The following OSBPL9 variants were observed in gnomAD, a reference collection of about 807,000 sequenced individuals.
OSBPL9 encodes oxysterol binding protein like 9, also known as oxysterol-binding protein-related protein 9.
A neutral mutation model predicts 106.6 loss-of-function variants in OSBPL9; 40 were observed. The observed-to-expected ratio is 0.38, with a 90% CI of 0.29 to 0.49. OSBPL9 has a LOEUF of 0.49. Ranked by LOEUF, OSBPL9 falls within the 20% of genes least tolerant of loss-of-function variation. The pLI is 0.97. For missense variants in OSBPL9, 609 were observed against 887.2 expected (o/e 0.69, Z 3.98); for synonymous variants, 269 against 295.4 (o/e 0.91, Z 0.92).
the OSBPL9 span, among the ~76,000 whole-genome samples, chr1:51,571,220 T>C: frequency 6.6e-6 from 1 of 152,164 alleles, no homozygotes; most frequent in Non-Finnish European, 1.5e-5. Flanking sequence ...GAACAGGACC[T>C]GACATAGAAG....
chr1:51,695,016 T>C (rs759234664), intron 3 of OSBPL9, among the ~76,000 whole-genome samples: 2 of 152,220 alleles, frequency 1.3e-5, no homozygotes, highest in African/African-American at 4.8e-5. Context: ...GTTAACAAAG[T>C]GCCCATTAGT....
At chr1:51,697,161 CAAAAAAAGAAA>C (rs1020228244) in intron 3 of OSBPL9, among the ~76,000 whole-genome samples, 15 of 138,090 alleles carry the variant, frequency 1.1e-4, no homozygotes, top group Admixed American at 8.8e-4. Flanking sequence ...CCGTATTTCT[CAAAAAAAGAAA>C]AAAAAAAGAA....
the OSBPL9 span, among the ~76,000 whole-genome samples, chr1:51,521,956 C>G: frequency 6.6e-6 from 1 of 151,906 alleles, no homozygotes; most frequent in Non-Finnish European, 1.5e-5. Flanking sequence ...AGGGTTTCAC[C>G]GTGTTGGCCA....
intron 4 of OSBPL9, among the ~76,000 whole-genome samples, chr1:51,718,943 G>A (rs961294270): frequency 2.0e-5 from 3 of 152,184 alleles, no homozygotes; most frequent in Non-Finnish European, 4.4e-5. Flanking sequence ...TTTTCTTGCA[G>A]ATTGTGACCT....
the OSBPL9 span, among the ~76,000 whole-genome samples, chr1:51,556,641 C>T: frequency 1.3e-5 from 2 of 151,932 alleles, no homozygotes; most frequent in African/African-American, 4.8e-5. Flanking sequence ...AAAAAATTAG[C>T]TGGGCATGGT....
intron 4 of OSBPL9, chr1:51,730,162 T>A (rs1664060090): frequency 3.2e-6 from 4 of 1,239,964 alleles, no homozygotes; most frequent in South Asian, 4.2e-5. Flanking sequence ...CCCCTCTTCC[T>A]TGGGAGTTCT....
intron 1 of OSBPL9, among the ~76,000 whole-genome samples, chr1:51,581,756 A>G (rs2148599110): frequency 6.6e-6 from 1 of 152,294 alleles, no homozygotes; most frequent in African/African-American, 2.4e-5. Context: ...CCTAGGCTCA[A>G]GGGATCCTCC....
In OSBPL9 at chr1:51,772,162, C is replaced by T; in HGVS notation, c.1031C>T (p.Ser344Phe). 6.2e-7 allele frequency: 1 copy of T among 1,612,296 alleles called. No homozygotes were observed. Among genetic ancestry groups the T allele is most frequent in the Non-Finnish European group, 8.5e-7 (1 of 1,178,714 alleles). The change falls in exon 13 of 24, where the codon TCC becomes TTC. Residue 344 changes from serine to phenylalanine, a missense_variant. This residue lies in a region of OSBPL9 where 356 missense variants were observed against 505.8 expected (regional missense o/e 0.70). Coordinates refer to ENST00000428468, the MANE Select transcript of OSBPL9 (RefSeq NM_024586.6). ...ACAGAATCACTTAATTCTTCCTTGT[C>T]CAATGGAACAAGTGATGCTGGTAAG... Reference protein sequence around the residue: ...DTTESLNSSLSNGTSDADLFD... With the variant: ...DTTESLNSSLFNGTSDADLFD...
intron 3 of OSBPL9, among the ~76,000 whole-genome samples, chr1:51,676,608 G>A (rs1372517853): frequency 1.4e-5 from 2 of 147,224 alleles, no homozygotes; most frequent in Non-Finnish European, 3.0e-5. Flanking sequence ...TCAGTGAGCC[G>A]AGATCGCGCC....
intron 10 of OSBPL9, among the ~76,000 whole-genome samples, chr1:51,761,538 C>G (rs560845184): frequency 6.6e-6 from 1 of 152,244 alleles, no homozygotes; most frequent in Non-Finnish European, 1.5e-5. Context: ...AGGTACTGTA[C>G]TCCACTTCAG....
chr1:51,532,578 T>C, the OSBPL9 span, among the ~76,000 whole-genome samples: 1 of 152,240 alleles, frequency 6.6e-6, no homozygotes, highest in East Asian at 1.9e-4. Flanking sequence ...AAAAGCCCAC[T>C]TGAGGTCAGT....
At chr1:51,720,408 C>T (rs1661864841) in intron 4 of OSBPL9, among the ~76,000 whole-genome samples, 1 of 150,976 alleles carries the variant, frequency 6.6e-6, no homozygotes, top group African/African-American at 2.4e-5. Context: ...TTACTGCAAC[C>T]TCCGCCTCCC....
the OSBPL9 span, among the ~76,000 whole-genome samples, chr1:51,555,361 G>A: frequency 1.3e-5 from 2 of 151,664 alleles, no homozygotes; most frequent in South Asian, 2.1e-4. Context: ...ATGGTGGCAC[G>A]TGCCTGTAAT....
chr1:51,725,446 T>C (rs1662945837), intron 4 of OSBPL9, among the ~76,000 whole-genome samples: 1 of 152,258 alleles, frequency 6.6e-6, no homozygotes, highest in Non-Finnish European at 1.5e-5. Flanking sequence ...CGATGCTTAC[T>C]GTGTCTCTTC....
At position 51,723,093 on chromosome 1, in the gene OSBPL9, A is replaced by G. The variant is rs1349561558; in HGVS notation, c.318+9014A>G. On this transcript the variant is annotated intron_variant, in intron 4 of 23. Coordinates refer to ENST00000428468, the MANE Select transcript of OSBPL9 (RefSeq NM_024586.6). ...CCCCTACGCATGTGCGGCCTCCCCT[A>G]CTATCAACATCCCCCACCAGAGTGG... Among the ~76,000 whole-genome samples, 3 of 152,186 alleles carry G rather than the reference A, an allele frequency of 2.0e-5. No homozygotes were observed. The East Asian group carries it at 5.8e-4, about 29-fold the overall frequency.
chr1:51,787,656 A>G (rs1678026424), intron 23 of OSBPL9, 59 bp from the exon 24 acceptor site: 5 of 1,596,096 alleles, frequency 3.1e-6, no homozygotes, highest in Non-Finnish European at 4.3e-6. Context: ...TGAAATAGTA[A>G]GTATATTACA....
intron 2 of OSBPL9, among the ~76,000 whole-genome samples, chr1:51,602,015 G>GT (rs1266396456): frequency 6.1e-5 from 1 of 16,318 alleles, no homozygotes; most frequent in Non-Finnish European, 1.3e-4. Flanking sequence ...CATTCTTGGG[G>GT]TTCTTTTTTT....
intron 1 of OSBPL9, among the ~76,000 whole-genome samples, chr1:51,620,164 A>G (rs1202576135): frequency 6.6e-6 from 1 of 152,192 alleles, no homozygotes; most frequent in Admixed American, 6.5e-5. Flanking sequence ...AGGGAGAACT[A>G]AGGATATAAA....
the OSBPL9 span, among the ~76,000 whole-genome samples, chr1:51,549,705 G>A: frequency 1.3e-5 from 2 of 152,146 alleles, no homozygotes; most frequent in East Asian, 1.9e-4. Flanking sequence ...GGTGGCACAC[G>A]CCTGTACTCC....
Sources: allele counts gnomAD v4.1 joint callset (sites outside exome capture counted in the v4.1 genomes callset), GRCh38; gene constraint gnomAD v4.1.1; regional missense constraint gnomAD v4.1.1; transcripts MANE v1.5; gene names NCBI Gene and HGNC (gene_info 2026-07-23, HGNC 2026-07-21).